Variants in ZNF493 observed in about 807,000 individuals in gnomAD.
The protein encoded by ZNF493 is zinc finger protein 493.
ZNF493 carries 11 observed loss-of-function variants against 12.2 expected under a neutral mutation model. The observed-to-expected ratio is 0.90, with a 90% CI of 0.57 to 1.50. The LOEUF is 1.50. Among genes scored for constraint, ZNF493 ranks in the 40% most tolerant of loss-of-function variants. The pLI is 0.00. For missense variants in ZNF493, 950 were observed against 906.6 expected (o/e 1.05, Z -0.61); for synonymous variants, 286 against 302.6 (o/e 0.95, Z 0.57).
rs2030868626 is a variant in ZNF493, at chr19:21,426,840, G to A, written c.*1856G>A. 6.0e-6 allele frequency: 1 copy of A among 167,016 alleles called. No homozygotes were observed. Among genetic ancestry groups the A allele is most frequent in the Non-Finnish European group, 1.5e-5 (1 of 68,090 alleles). 10.3% of individuals were successfully genotyped at this position (167,016 alleles called of 1,614,324 possible). A position where few individuals can be genotyped will look rare whatever the true frequency, so the allele number is the denominator to read the frequency against. On this transcript the variant is annotated 3_prime_UTR_variant, in exon 4 of 4. Transcript: ENST00000392288. ...ACACTTCGAATATTCTACTAAATGA[G>A]AGTTCTGAGTATAGAAAATAAAACT...
intron 3 of ZNF493, among the ~76,000 whole-genome samples, chr19:21,410,510 A>T (rs976637613): frequency 1.3e-5 from 2 of 151,930 alleles, no homozygotes; most frequent in African/African-American, 4.8e-5. Flanking sequence ...ATCTTTTCTG[A>T]TGAAAATTTT....
At chr19:21,418,662 CAG>C (rs2030564968) in intron 3 of ZNF493, among the ~76,000 whole-genome samples, 1 of 152,184 alleles carries the variant, frequency 6.6e-6, no homozygotes, top group Non-Finnish European at 1.5e-5. Context: ...GATCCCTGAA[CAG>C]AGATTTACCC....
chr19:21,418,284 G>A (rs1271219338), intron 3 of ZNF493, among the ~76,000 whole-genome samples: 1 of 152,152 alleles, frequency 6.6e-6, no homozygotes, highest in Non-Finnish European at 1.5e-5. Flanking sequence ...AACCTGATAT[G>A]TAACCTCTTC....
chr19:21,399,150 T>C (rs71339750), intron 1 of ZNF493, among the ~76,000 whole-genome samples: 3 of 151,952 alleles, frequency 2.0e-5, no homozygotes, highest in Non-Finnish European at 2.9e-5. Context: ...GTTATTTATT[T>C]ATTTTTTATT....
intron 3 of ZNF493, among the ~76,000 whole-genome samples, chr19:21,409,452 A>G (rs745586508): frequency 1.4e-4 from 21 of 152,210 alleles, no homozygotes; most frequent in Non-Finnish European, 2.6e-4. Context: ...TTAAGTGTAC[A>G]TTTCATGGCC....
chr19:21,398,779 C>A (rs1402046337), intron 1 of ZNF493: 1 of 188,176 alleles, frequency 5.3e-6, no homozygotes, highest in African/African-American at 2.4e-5. Flanking sequence ...GCTGGTCAGC[C>A]AATCAGATGC....
rs34723025 is a variant in ZNF493 at position 21,425,076 on chromosome 19, ATAAT to A, written c.*97_*100del. ...GTACTTTACCCTTAATACACATAAG[ATAAT>A]TAATGCTGGAGAGAAACCCTACAAA... On this transcript the variant is annotated 3_prime_UTR_variant, in exon 4 of 4. Coordinates refer to ENST00000392288, the MANE Select transcript of ZNF493 (RefSeq NM_001076678.3). 0.27 allele frequency: 374,829 copies of A among 1,379,424 alleles called. 52,858 individuals are homozygous for A. Among genetic ancestry groups the A allele is most frequent in the Admixed American group, 0.36 (19,177 of 53,626 alleles). 85.4% of individuals were successfully genotyped at this position (1,379,424 alleles called of 1,614,324 possible).
chr19:21,409,466 C>T (rs2030249360), intron 3 of ZNF493, among the ~76,000 whole-genome samples: 1 of 152,094 alleles, frequency 6.6e-6, no homozygotes, highest in African/African-American at 2.4e-5. Flanking sequence ...CATGGCCCAA[C>T]ATGTGGGTGG....
intron 3 of ZNF493, among the ~76,000 whole-genome samples, chr19:21,422,583 C>T (rs1158943293): frequency 6.6e-6 from 1 of 151,644 alleles, no homozygotes; most frequent in Non-Finnish European, 1.5e-5. Context: ...GCTTGAGCCA[C>T]TGCACTTGGC....
intron 3 of ZNF493, chr19:21,412,735 A>C (rs956016147): frequency 6.0e-5 from 16 of 265,712 alleles, no homozygotes; most frequent in African/African-American, 1.4e-4. Context: ...TAAGCACTCC[A>C]GTTCTTGGCA....
intron 3 of ZNF493, among the ~76,000 whole-genome samples, chr19:21,417,985 T>A (rs1237523957): frequency 6.6e-6 from 1 of 152,208 alleles, no homozygotes; most frequent in Non-Finnish European, 1.5e-5. Flanking sequence ...AATGTAGCTA[T>A]AATATTTCAC....
chr19:21,422,825 A>C (rs1305426599), intron 3 of ZNF493, 88 bp from the exon 4 acceptor site: 2 of 1,210,638 alleles, frequency 1.7e-6, no homozygotes, highest in Non-Finnish European at 2.3e-6. Flanking sequence ...TGGTTTATGC[A>C]GTTTGTATAA....
In ZNF493 at chr19:21,423,192, G is replaced by A; in HGVS notation, c.533G>A (p.Gly178Glu). Residue 178 changes from glycine to glutamate, a missense_variant, in exon 4 of 4, where the codon GGA (glycine) becomes GAA (glutamate). Coordinates refer to ENST00000392288, the MANE Select transcript of ZNF493 (RefSeq NM_001076678.3). ...AATAGACATAACACAAAACATACTG[G>A]AAAGAAACCTTTCAAATGTAAAAAA... ...NSNRHNTKHT[G>E]KKPFKCKKCG... The A allele has an allele frequency of 6.2e-7, 1 of 1,613,716 alleles. No individual in the cohort carries two copies. Among genetic ancestry groups the A allele is most frequent in the South Asian group, 1.1e-5 (1 of 91,048 alleles).
At chr19:21,398,261 T>G (rs1212634591) in intron 1 of ZNF493, 1 of 152,738 alleles carries the variant, frequency 6.5e-6, no homozygotes, top group Admixed American at 6.5e-5. Context: ...TTTTAATTAT[T>G]TTTTTGGCAA....
At chr19:21,419,942 C>A (rs2145302232) in intron 3 of ZNF493, among the ~76,000 whole-genome samples, 1 of 152,260 alleles carries the variant, frequency 6.6e-6, no homozygotes, top group East Asian at 1.9e-4. Flanking sequence ...ATGATTCTGA[C>A]CCACTCTTGA....
rs1288790506 is a variant in ZNF493 at position 21,425,403 on chromosome 19, AAACAT to A, written c.*422_*426del. 6 of 430,354 alleles carry A rather than the reference AAACAT, an allele frequency of 1.4e-5. No individual in the cohort carries two copies. The highest frequency in any genetic ancestry group is 3.4e-5 in the Admixed American group (1 of 29,124). 26.7% of individuals were successfully genotyped at this position (430,354 alleles called of 1,614,324 possible). A position where few individuals can be genotyped will look rare whatever the true frequency, so the allele number is the denominator to read the frequency against. ...TTTTTACTGATTCTTATACCTTACT[AAACAT>A]AAAATAATTCATAAAGGAGATAAAT... is the stretch of plus-strand genomic sequence containing the variant. On this transcript the variant is annotated 3_prime_UTR_variant, in exon 4 of 4. Coordinates refer to ENST00000392288, the MANE Select transcript of ZNF493 (RefSeq NM_001076678.3).
intron 3 of ZNF493, among the ~76,000 whole-genome samples, chr19:21,418,043 A>C (rs1365369945): frequency 6.6e-6 from 1 of 152,192 alleles, no homozygotes; most frequent in Non-Finnish European, 1.5e-5. Flanking sequence ...AAGCCTCTAT[A>C]TCACTCTCTC....
At chr19:21,410,688 T>C (rs2030298889) in intron 3 of ZNF493, among the ~76,000 whole-genome samples, 1 of 152,194 alleles carries the variant, frequency 6.6e-6, no homozygotes, top group South Asian at 2.1e-4. Flanking sequence ...TCTTTGTTGT[T>C]CATGCATTTA....
intron 3 of ZNF493, chr19:21,413,380 G>A: frequency 2.5e-6 from 1 of 407,060 alleles, no homozygotes; most frequent in Non-Finnish European, 4.3e-6. Context: ...AGCCCTTGTT[G>A]AAGGAATACT....
Sources: allele counts gnomAD v4.1 joint callset (sites outside exome capture counted in the v4.1 genomes callset), GRCh38; gene constraint gnomAD v4.1.1; transcripts MANE v1.5; gene names NCBI Gene and HGNC (gene_info 2026-07-23, HGNC 2026-07-21).